ABCB1: variants seen among roughly 807,000 people sequenced by gnomAD.
ABCB1 encodes the protein ATP-dependent translocase ABCB1.
ABCB1 carries 69 observed loss-of-function variants against 142.0 expected under a neutral mutation model. The observed-to-expected ratio is 0.49, with a 90% CI of 0.40 to 0.59. The LOEUF (loss-of-function observed/expected upper bound fraction) is 0.59, where lower values mean the gene tolerates loss of function less well. Ranked by LOEUF, ABCB1 falls within the 20% of genes least tolerant of loss-of-function variation. The pLI, the probability that ABCB1 is intolerant of heterozygous loss-of-function variation, is 0.00. For missense variants in ABCB1, 1,326 were observed against 1,554.7 expected, an observed-to-expected ratio of 0.85 and a Z score of 2.47; for synonymous variants, 532 against 539.2, an observed-to-expected ratio of 0.99 and a Z score of 0.18.
chr7:87,581,785 A>T (rs537182121), intron 4 of ABCB1, among the ~76,000 whole-genome samples: 5 of 152,320 alleles, frequency 3.3e-5, no homozygotes, highest in African/African-American at 1.2e-4. Context: ...AGCCTCCGCA[A>T]GTCCAAGTCC....
intron 3 of ABCB1, among the ~76,000 whole-genome samples, chr7:87,588,921 T>C (rs998245568): frequency 6.6e-6 from 1 of 152,228 alleles, no homozygotes; most frequent in East Asian, 1.9e-4. Context: ...GAGCTTTTTT[T>C]ATATAATTGT....
At chr7:87,681,347 C>G (rs190516170) in intron 1 of ABCB1, among the ~76,000 whole-genome samples, 1 of 150,498 alleles carries the variant, frequency 6.6e-6, no homozygotes, top group Admixed American at 6.6e-5. Context: ...TAGCCTGATA[C>G]AAAATTAGAC....
At chr7:87,568,102 C>CA (rs113381867) in intron 5 of ABCB1, among the ~76,000 whole-genome samples, 1,314 of 114,546 alleles carry the variant, frequency 0.011, 12 homozygotes, top group Admixed American at 0.025. Flanking sequence ...GACTCCATCT[C>CA]AAAAAAAAAA....
At chr7:87,555,755 A>AG (rs1402980197) in intron 8 of ABCB1, among the ~76,000 whole-genome samples, 2 of 152,198 alleles carry the variant, frequency 1.3e-5, no homozygotes, top group African/African-American at 4.8e-5. Flanking sequence ...ACAGACACAT[A>AG]CATATCTCTC....
At chr7:87,516,274 A>G (rs146872169) in intron 24 of ABCB1, among the ~76,000 whole-genome samples, 56 of 152,294 alleles carry the variant, frequency 3.7e-4, no homozygotes, top group Middle Eastern at 3.4e-3. Context: ...AAAAAATCTG[A>G]TTAATAGGTT....
chr7:87,546,783 A>C (rs553270277), intron 14 of ABCB1, among the ~76,000 whole-genome samples: 12 of 152,260 alleles, frequency 7.9e-5, no homozygotes, highest in African/African-American at 2.6e-4. Flanking sequence ...CCAGACCTCA[A>C]TGTCACACTG....
intron 1 of ABCB1, among the ~76,000 whole-genome samples, chr7:87,673,365 A>G (rs1001092419): frequency 1.3e-5 from 2 of 152,114 alleles, no homozygotes; most frequent in African/African-American, 4.8e-5. Context: ...AATGAATCAC[A>G]TATTTTGTCT....
Position 87,536,550 on chromosome 7 carries a change from C to T in ABCB1, c.2398-9G>A, listed in dbSNP as rs1293900079. On this transcript the variant is annotated splice_polypyrimidine_tract_variant and intron_variant, in intron 19 of 27. Transcript: ENST00000622132. The stretch of plus-strand genomic sequence containing the variant: ...TCAAACCAACTCACATCCTGTGGCA[C>T]AGAAAATGATTTTATTACCTTAAAG... 1.2e-6 allele frequency: 2 copies of T among 1,613,658 alleles called. No individual in the cohort carries two copies. Among genetic ancestry groups the T allele is most frequent in the Admixed American group, 1.7e-5 (1 of 59,986 alleles).
chr7:87,544,473 T>C (rs568091596), intron 16 of ABCB1, among the ~76,000 whole-genome samples, 198 bp from the exon 17 acceptor site: 1 of 152,322 alleles, frequency 6.6e-6, no homozygotes, highest in East Asian at 1.9e-4. Context: ...TTTGCTACAA[T>C]ACTCCTTTAT....
chr7:87,614,771 T>A (rs1819976018), intron 1 of ABCB1, among the ~76,000 whole-genome samples: 1 of 152,210 alleles, frequency 6.6e-6, no homozygotes, highest in Admixed American at 6.5e-5. Context: ...TTTAGGTACT[T>A]ATAATAATTA....
At chr7:87,658,047 T>G (rs2130428945) in intron 1 of ABCB1, among the ~76,000 whole-genome samples, 1 of 152,270 alleles carries the variant, frequency 6.6e-6, no homozygotes, top group Middle Eastern at 3.4e-3. Flanking sequence ...GATCTCAGAT[T>G]GCATAATAAA....
intron 4 of ABCB1, among the ~76,000 whole-genome samples, chr7:87,584,267 G>T (rs892467325): frequency 1.3e-5 from 2 of 152,144 alleles, no homozygotes; most frequent in Non-Finnish European, 2.9e-5. Flanking sequence ...GTATATACCC[G>T]AGATTGGTAT....
intron 7 of ABCB1, chr7:87,565,347 C>T: frequency 2.9e-6 from 1 of 340,670 alleles, no homozygotes; most frequent in South Asian, 2.3e-5. Context: ...TGAAAATACA[C>T]TCATATCAAA....
At chr7:87,511,040 A>G (rs533518227) in intron 25 of ABCB1, among the ~76,000 whole-genome samples, 3 of 152,340 alleles carry the variant, frequency 2.0e-5, no homozygotes, top group African/African-American at 4.8e-5. Context: ...CCTAACTAAT[A>G]TAATCACAGG....
intron 21 of ABCB1, chr7:87,521,634 T>C (rs1338514837): frequency 2.5e-6 from 2 of 788,918 alleles, no homozygotes; most frequent in Non-Finnish European, 2.3e-6. Flanking sequence ...CAAGGGACTT[T>C]GGGTTTGTCA....
At chr7:87,587,234 T>C (rs549334649) in intron 3 of ABCB1, among the ~76,000 whole-genome samples, 8 of 152,276 alleles carry the variant, frequency 5.3e-5, no homozygotes, top group African/African-American at 9.6e-5. Context: ...AACTCCTTAG[T>C]ACAGGAAGAG....
At chr7:87,536,777 G>A (rs1816314085) in intron 19 of ABCB1, among the ~76,000 whole-genome samples, 1 of 152,134 alleles carries the variant, frequency 6.6e-6, no homozygotes, top group African/African-American at 2.4e-5. Flanking sequence ...TCTAAGTGTT[G>A]GACCTGTACG....
intron 1 of ABCB1, among the ~76,000 whole-genome samples, chr7:87,610,778 A>C (rs754273127): frequency 1.3e-5 from 2 of 152,226 alleles, no homozygotes; most frequent in Non-Finnish European, 2.9e-5. Context: ...ATATTTGAGA[A>C]CTGCCCAGAC....
In ABCB1 at chr7:87,708,753, G is replaced by T. The variant is rs187105740; in HGVS notation, c.-331+4408C>A. 2.6e-5 allele frequency among the ~76,000 whole-genome samples: 4 copies of T among 152,154 alleles called. No homozygotes were observed. The East Asian group carries it at 7.7e-4, about 29-fold the overall frequency. On this transcript the variant is annotated intron_variant, in intron 1 of 28. Coordinates refer to the ABCB1 transcript ENST00000265724. Reference sequence around the variant, plus strand: ...CTGGTCAGTTTGGTGGTGGTAAAATGAATTTCTTCTCTTCTAATTGTGTCT... The same window carrying T: ...CTGGTCAGTTTGGTGGTGGTAAAATTAATTTCTTCTCTTCTAATTGTGTCT...
Sources: allele counts gnomAD v4.1 joint callset (sites outside exome capture counted in the v4.1 genomes callset), GRCh38; gene constraint gnomAD v4.1.1; transcripts MANE v1.5; gene names NCBI Gene and HGNC (gene_info 2026-07-23, HGNC 2026-07-21).